The following ASXL2 variants were observed in gnomAD, a reference collection of about 807,000 sequenced individuals.
The protein encoded by ASXL2 is putative Polycomb group protein ASXL2.
In ASXL2, 23 loss-of-function variants were observed where a neutral mutation model predicts 122.0. The observed-to-expected ratio is 0.19, with a 90% CI of 0.14 to 0.27. ASXL2 has a LOEUF of 0.27. Among genes scored for constraint, ASXL2 ranks in the 10% least tolerant of loss-of-function variants. ASXL2 has a pLI of 1.00. For synonymous variants in ASXL2, 650 were observed against 637.0 expected (o/e 1.02, Z -0.31); for missense variants, 1,518 against 1,713.8 (o/e 0.89, Z 2.02).
chr2:25,810,804 G>A, intron 3 of ASXL2: 1 of 507,792 alleles, frequency 2.0e-6, no homozygotes, highest in Non-Finnish European at 3.7e-6. Context: ...AGCTGAAAAA[G>A]TCCTAAATAA....
At chr2:25,782,021 G>C (rs1402748713) in intron 5 of ASXL2, among the ~76,000 whole-genome samples, 1 of 133,900 alleles carries the variant, frequency 7.5e-6, no homozygotes, top group Non-Finnish European at 1.5e-5. Context: ...GTCCAGGTTG[G>C]TCTCAAACTC....
intron 5 of ASXL2, among the ~76,000 whole-genome samples, chr2:25,778,956 TACC>T (rs1476264850): frequency 1.2e-4 from 18 of 152,256 alleles, no homozygotes; most frequent in Non-Finnish European, 2.6e-4. Flanking sequence ...GTCAATAGGT[TACC>T]ACTAGTTCTA....
intron 8 of ASXL2, among the ~76,000 whole-genome samples, chr2:25,761,408 C>T (rs2088240420): frequency 6.6e-6 from 1 of 152,138 alleles, no homozygotes; most frequent in South Asian, 2.1e-4. Context: ...GGCAAGGTGG[C>T]TCATGCCTGT....
intron 5 of ASXL2, among the ~76,000 whole-genome samples, chr2:25,793,738 G>T (rs1196399893): frequency 1.3e-5 from 2 of 152,170 alleles, no homozygotes; most frequent in Admixed American, 1.3e-4. Flanking sequence ...TAGAGGTAAT[G>T]GATCCTTTTT....
chr2:25,830,238 A>G (rs1024983197), intron 3 of ASXL2, among the ~76,000 whole-genome samples: 5 of 152,236 alleles, frequency 3.3e-5, no homozygotes, highest in South Asian at 2.1e-4. Flanking sequence ...CCCTAACATG[A>G]TAGCCAAAAT....
chr2:25,763,359 G>A (rs566757501), intron 8 of ASXL2, among the ~76,000 whole-genome samples: 2 of 152,070 alleles, frequency 1.3e-5, no homozygotes, highest in East Asian at 3.9e-4. Context: ...GAGTGGTGAC[G>A]TGTGCCTGTA....
intron 3 of ASXL2, among the ~76,000 whole-genome samples, chr2:25,830,597 G>C (rs1333379012): frequency 6.7e-6 from 1 of 148,690 alleles, no homozygotes; most frequent in Admixed American, 6.7e-5. Flanking sequence ...CTGCTCTCCA[G>C]CCTGGGCGAC....
At chr2:25,840,067 A>T (rs1445992122) in intron 2 of ASXL2, among the ~76,000 whole-genome samples, 1 of 152,050 alleles carries the variant, frequency 6.6e-6, no homozygotes, top group African/African-American at 2.4e-5. Context: ...AATGCATAAA[A>T]ACAACATAAT....
intron 2 of ASXL2, among the ~76,000 whole-genome samples, chr2:25,839,888 C>CTTT (rs61637569): frequency 1.5e-5 from 2 of 136,494 alleles, no homozygotes; most frequent in Non-Finnish European, 1.6e-5. Context: ...ACCATGTTTT[C>CTTT]TTTTTTTTTT....
intron 3 of ASXL2, chr2:25,822,849 A>C: frequency 1.8e-6 from 1 of 555,214 alleles, no homozygotes; most frequent in South Asian, 1.4e-5. Flanking sequence ...TGAGATGATG[A>C]ACAACATGGG....
intron 5 of ASXL2, among the ~76,000 whole-genome samples, chr2:25,793,148 G>A (rs1233714629): frequency 1.3e-4 from 19 of 151,922 alleles, no homozygotes; most frequent in African/African-American, 2.7e-4. Flanking sequence ...CAGGAGAATC[G>A]CTTGAACCCG....
At chr2:25,814,550 T>C (rs996502875) in intron 3 of ASXL2, among the ~76,000 whole-genome samples, 4 of 152,212 alleles carry the variant, frequency 2.6e-5, no homozygotes, top group African/African-American at 9.6e-5. Flanking sequence ...TTCTTGTCCA[T>C]GCTCAAGAGA....
chr2:25,767,264 T>C (rs1323613003), intron 8 of ASXL2, among the ~76,000 whole-genome samples: 1 of 152,112 alleles, frequency 6.6e-6, no homozygotes, highest in Non-Finnish European at 1.5e-5. Context: ...GAAAGGGAAA[T>C]AAACCACAAA....
intron 1 of ASXL2, among the ~76,000 whole-genome samples, chr2:25,853,312 G>A (rs184178580): frequency 6.6e-6 from 1 of 152,258 alleles, no homozygotes; most frequent in Non-Finnish European, 1.5e-5. Flanking sequence ...ACAGAAATGT[G>A]ATCTAACAGA....
rs917805080 is a variant in ASXL2 at position 25,737,745 on chromosome 2, T to C, written c.*4284A>G. On this transcript the variant is annotated 3_prime_UTR_variant, in exon 13 of 13. Transcript: ENST00000435504. ...AAAATGAAAAATAAGAATATAGGAA[T>C]ACATACAATCTATATACATATATTT... The C allele has an allele frequency of 6.6e-6, 1 of 152,210 alleles. No homozygotes were observed. Among genetic ancestry groups the C allele is most frequent in the Non-Finnish European group, 1.5e-5 (1 of 68,036 alleles). 9.4% of individuals were successfully genotyped at this position (152,210 alleles called of 1,614,324 possible). A position where few individuals can be genotyped will look rare whatever the true frequency, so the allele number is the denominator to read the frequency against.
At chr2:25,781,698 ATTG>A (rs2088641063) in intron 5 of ASXL2, among the ~76,000 whole-genome samples, 2 of 136,624 alleles carry the variant, frequency 1.5e-5, no homozygotes, top group Admixed American at 7.7e-5. Flanking sequence ...AGACAGAGTC[ATTG>A]CTCTGTTGCC....
At chr2:25,832,623 T>G (rs2149187267) in intron 3 of ASXL2, among the ~76,000 whole-genome samples, 1 of 152,174 alleles carries the variant, frequency 6.6e-6, no homozygotes, top group South Asian at 2.1e-4. Flanking sequence ...CATTTACAGT[T>G]TCAAGGTGTC....
chr2:25,807,761 A>G (rs1214343837), intron 3 of ASXL2, among the ~76,000 whole-genome samples: 2 of 152,190 alleles, frequency 1.3e-5, no homozygotes, highest in Admixed American at 1.3e-4. Flanking sequence ...GCAGAAACAG[A>G]TAATAATTTA....
Position 25,854,921 on chromosome 2 carries a change from C to T in ASXL2, c.58-9358G>A, listed in dbSNP as rs2089758807. 2.0e-5 allele frequency among the ~76,000 whole-genome samples: 3 copies of T among 152,162 alleles called. No homozygotes were observed. The South Asian group carries it at 6.2e-4, about 31-fold the overall frequency. ...TGTCTTGAGGAGCTGATGTCAAGAA[C>T]AGGCTTACTGTAGAGCACAAGCCAT... On this transcript the variant is annotated intron_variant, in intron 1 of 12. Transcript: ENST00000435504.
Sources: gnomAD v4.1 joint callset for allele counts (sites outside exome capture counted in the v4.1 genomes callset) on GRCh38, gnomAD v4.1.1 for gene constraint, MANE v1.5 for transcripts, NCBI Gene and HGNC (gene_info 2026-07-23, HGNC 2026-07-21) for gene names.